LINGO1: variants seen among roughly 807,000 people sequenced by gnomAD.
LINGO1 encodes the protein leucine rich repeat and Ig domain containing 1, also known as leucine-rich repeat and immunoglobulin-like domain-containing nogo receptor-interacting protein 1.
LINGO1 carries 11 observed loss-of-function variants against 37.3 expected under a neutral mutation model. That is an observed-to-expected ratio of 0.29 (90% confidence interval 0.19 to 0.49). The LOEUF is 0.49. Ranked by LOEUF, LINGO1 falls within the 20% of genes least tolerant of loss-of-function variation. LINGO1 has a pLI of 0.99. For missense variants in LINGO1, 585 were observed against 878.2 expected (o/e 0.67, Z 4.22); for synonymous variants, 387 against 403.0 (o/e 0.96, Z 0.48).
intron 3 of LINGO1, among the ~76,000 whole-genome samples, chr15:77,643,216 G>A (rs2074548592): frequency 6.6e-6 from 1 of 152,224 alleles, no homozygotes; most frequent in Non-Finnish European, 1.5e-5. Flanking sequence ...TCAGATAGGG[G>A]ATGGAGATGT....
At chr15:77,642,008 T>C in intron 3 of LINGO1, 1 of 456,664 alleles carries the variant, frequency 2.2e-6, no homozygotes, top group Middle Eastern at 3.3e-4. Flanking sequence ...CACCTGGGGA[T>C]ACTCATGCCT....
chr15:77,684,028 T>G (rs897480757), intron 2 of LINGO1, among the ~76,000 whole-genome samples: 1 of 152,198 alleles, frequency 6.6e-6, no homozygotes, highest in Non-Finnish European at 1.5e-5. Context: ...AAGCTGCCTC[T>G]AGGCCTTTGT....
At chr15:77,673,521 C>T (rs991136188) in intron 3 of LINGO1, among the ~76,000 whole-genome samples, 1 of 152,178 alleles carries the variant, frequency 6.6e-6, no homozygotes, top group Non-Finnish European at 1.5e-5. Context: ...ATGCATCTTG[C>T]CCTTGGCGTC....
intron 1 of LINGO1, among the ~76,000 whole-genome samples, chr15:77,735,310 C>T (rs1020232924): frequency 6.6e-6 from 1 of 152,222 alleles, no homozygotes; most frequent in African/African-American, 2.4e-5. Context: ...GATTCAGGCA[C>T]CCGCACAGCC....
intron 1 of LINGO1, among the ~76,000 whole-genome samples, chr15:77,783,594 G>T (rs951351710): frequency 2.0e-5 from 3 of 152,180 alleles, no homozygotes; most frequent in Non-Finnish European, 2.9e-5. Context: ...CTCTGAGCCC[G>T]GTTTCTTCGT....
intron 1 of LINGO1, among the ~76,000 whole-genome samples, chr15:77,737,704 TGA>T (rs2076216873): frequency 6.6e-6 from 1 of 152,214 alleles, no homozygotes; most frequent in Non-Finnish European, 1.5e-5. Context: ...CACTGGTCCC[TGA>T]GCTCTCAGCA....
At chr15:77,633,695 T>C (rs2074335691), upstream of LINGO1, among the ~76,000 whole-genome samples, 1 of 152,214 alleles carries the variant, frequency 6.6e-6, no homozygotes, top group Admixed American at 6.5e-5. Flanking sequence ...AGCCTCCGCC[T>C]GGGCTTGACT....
chr15:77,622,902 C>G (rs1385538654), intron 1 of LINGO1, among the ~76,000 whole-genome samples: 1 of 152,206 alleles, frequency 6.6e-6, no homozygotes, highest in Non-Finnish European at 1.5e-5. Flanking sequence ...TCTGGCGGGT[C>G]CCCTCTGGAT....
rs1311302497 is a variant in LINGO1 at position 77,615,573 on chromosome 15, G to A, written c.334C>T (p.Pro112Ser). The A allele has an allele frequency of 6.2e-7, 1 of 1,611,490 alleles. No individual in the cohort carries two copies. Among genetic ancestry groups the A allele is most frequent in the Non-Finnish European group, 8.5e-7 (1 of 1,178,734 alleles). The change falls in exon 2 of 2, where the codon CCC (proline) becomes TCC (serine). Residue 112 changes from proline (P) to serine (S), a missense_variant. Coordinates refer to ENST00000355300, the MANE Select transcript of LINGO1 (RefSeq NM_032808.7). The stretch of plus-strand genomic sequence containing the variant: ...TTGAAGAGGTTGTTGAAGGCGCCGG[G>A]CTCCACGGCGCTCACGATGTTCTCG... The part of the protein sequence containing the change: ...LNENIVSAVE[P>S]GAFNNLFNLR...
chr15:77,734,672 C>G (rs1370710063), intron 2 of LINGO1, among the ~76,000 whole-genome samples: 1 of 151,964 alleles, frequency 6.6e-6, no homozygotes, highest in African/African-American at 2.4e-5. Context: ...TCAAGGCTGG[C>G]TGGTGCCTGG....
chr15:77,740,260 C>G (rs4886522), intron 1 of LINGO1, among the ~76,000 whole-genome samples: 147,597 of 152,298 alleles, frequency 0.97, 71,587 homozygotes, highest in African/African-American at 0.99. Flanking sequence ...GAGGGCTCCA[C>G]GCATTATGGG....
chr15:77,633,035 T>TG (rs2074314685), upstream of LINGO1, among the ~76,000 whole-genome samples: 1 of 63,480 alleles, frequency 1.6e-5, no homozygotes, highest in Non-Finnish European at 3.2e-5. Context: ...GGGTGGGGGG[T>TG]GGTTCGTCTC....
At chr15:77,737,087 G>A (rs922703098) in intron 1 of LINGO1, among the ~76,000 whole-genome samples, 2 of 152,154 alleles carry the variant, frequency 1.3e-5, no homozygotes, top group African/African-American at 4.8e-5. Context: ...CTGTCTCATT[G>A]AACACATGTG....
rs1180682611 is a variant in LINGO1 at position 77,764,663 on chromosome 15, CAG to C, written c.-257+22204_-257+22205del. On this transcript the variant is annotated intron_variant, in intron 1 of 3. Coordinates refer to the LINGO1 transcript ENST00000561686. ...TTAAGTTGGTGGACAGCTAAAAAGC[CAG>C]AGAGTGCCAAGCATCGCTGGAGCAA... Among the ~76,000 whole-genome samples the C allele has an allele frequency of 7.9e-5, 12 of 152,300 alleles. No individual in the cohort carries two copies. The East Asian group carries it at 2.3e-3, about 29-fold the overall frequency.
intron 2 of LINGO1, among the ~76,000 whole-genome samples, chr15:77,729,127 C>T (rs535048808): frequency 2.0e-5 from 3 of 152,346 alleles, no homozygotes; most frequent in Admixed American, 6.5e-5. Flanking sequence ...AGGGCCCAGC[C>T]GGCACTGGGA....
At chr15:77,794,649 G>A (rs1474131618) in intron 2 of LINGO1, among the ~76,000 whole-genome samples, 13 of 146,980 alleles carry the variant, frequency 8.8e-5, no homozygotes, top group African/African-American at 3.3e-4. Context: ...GTGCAGTGGC[G>A]TGATCTCGGC....
At chr15:77,702,506 C>T (rs557506807) in intron 2 of LINGO1, among the ~76,000 whole-genome samples, 2 of 152,278 alleles carry the variant, frequency 1.3e-5, no homozygotes, top group Admixed American at 1.3e-4. Context: ...AAAGCCTCAA[C>T]AAAACACAGG....
chr15:77,735,796 CT>C (rs1404316290), intron 1 of LINGO1, among the ~76,000 whole-genome samples: 19 of 152,308 alleles, frequency 1.2e-4, no homozygotes, highest in African/African-American at 4.6e-4. Flanking sequence ...TGTGTCCAGC[CT>C]GGAAAGTACA....
intron 3 of LINGO1, chr15:77,646,392 C>G: frequency 2.2e-6 from 1 of 453,698 alleles, no homozygotes; most frequent in South Asian, 1.6e-5. Context: ...CCACAGGACA[C>G]CCCTCTGTCA....
Sources: allele counts gnomAD v4.1 joint callset (sites outside exome capture counted in the v4.1 genomes callset), GRCh38; gene constraint gnomAD v4.1.1; transcripts MANE v1.5; gene names NCBI Gene and HGNC (gene_info 2026-07-23, HGNC 2026-07-21).